The following CHL1 variants were observed in gnomAD, a reference collection of about 807,000 sequenced individuals.
CHL1 encodes the protein neural cell adhesion molecule L1-like protein.
In CHL1, 96 loss-of-function variants were observed where a neutral mutation model predicts 141.9. The observed-to-expected ratio is 0.68, with a 90% CI of 0.57 to 0.80. The LOEUF (loss-of-function observed/expected upper bound fraction) is 0.80. Among genes scored for constraint, CHL1 ranks in the 30% least tolerant of loss-of-function variants. The pLI is 0.00. For synonymous variants in CHL1, 613 were observed against 502.2 expected (o/e 1.22, Z -2.95); for missense variants, 1,820 against 1,457.2 (o/e 1.25, Z -4.05).
At chr3:253,752 T>A (rs751646771) in intron 2 of CHL1, among the ~76,000 whole-genome samples, 3 of 152,184 alleles carry the variant, frequency 2.0e-5, no homozygotes, top group Non-Finnish European at 2.9e-5. Context: ...TCTTCAGCTG[T>A]TGGAAAACCT....
At chr3:392,985 G>A (rs1016641445) in intron 23 of CHL1, among the ~76,000 whole-genome samples, 20 of 151,752 alleles carry the variant, frequency 1.3e-4, no homozygotes, top group Admixed American at 5.3e-4. Flanking sequence ...TAAAATAAGT[G>A]TTAAGTGGGA....
intron 23 of CHL1, 98 bp from the exon 24 acceptor site, chr3:394,595 C>T: frequency 1.2e-6 from 1 of 840,610 alleles, no homozygotes; most frequent in South Asian, 1.7e-5. Flanking sequence ...ATTAATGTAT[C>T]TTTACGTACC....
chr3:340,880 G>A lies in CHL1; in HGVS notation c.472G>A (p.Gly158Ser), dbSNP rs1702296725. 1 of 1,612,976 alleles carries A rather than the reference G, an allele frequency of 6.2e-7. No homozygotes were observed. The highest frequency in any genetic ancestry group is 8.5e-7 in the Non-Finnish European group (1 of 1,179,196). Reference protein sequence around the residue: ...PIVLPCNPPKGLPPLHIYWMN... With the variant: ...PIVLPCNPPKSLPPLHIYWMN... ...TGTCCTCCCATGCAATCCTCCCAAAGGCCTCCCACCTTTACACATTTATTG... is the reference window on the plus strand; with the variant it reads ...TGTCCTCCCATGCAATCCTCCCAAAAGCCTCCCACCTTTACACATTTATTG... The change falls in exon 6 of 28, where the codon GGC (glycine) becomes AGC (serine). Residue 158 changes from glycine to serine, a missense_variant. Coordinates refer to ENST00000256509, the MANE Select transcript of CHL1 (RefSeq NM_006614.4).
At chr3:331,301 TG>T (rs1287508197) in intron 5 of CHL1, among the ~76,000 whole-genome samples, 3 of 152,294 alleles carry the variant, frequency 2.0e-5, no homozygotes, top group Admixed American at 1.3e-4. Context: ...CATGGCTTCA[TG>T]GCTCACTGCA....
At chr3:197,095 C>G (rs1429047163) in intron 1 of CHL1, 32 bp downstream of exon 1, 4 of 152,028 alleles carry the variant, frequency 2.6e-5, no homozygotes, top group Non-Finnish European at 5.9e-5. Context: ...GCTGGCATCT[C>G]TCGTGCCGGC....
intron 27 of CHL1, among the ~76,000 whole-genome samples, chr3:402,102 T>C (rs1709191885): frequency 6.6e-6 from 1 of 152,208 alleles, no homozygotes; most frequent in South Asian, 2.1e-4. Context: ...CCCTGTCCTC[T>C]AGATGAACCT....
At chr3:366,858 C>G (rs925537917) in intron 15 of CHL1, among the ~76,000 whole-genome samples, 3 of 152,212 alleles carry the variant, frequency 2.0e-5, no homozygotes, top group African/African-American at 7.2e-5. Context: ...ACTGCCACCT[C>G]TCATGTCTGC....
chr3:293,309 C>G (rs1027615700), intron 2 of CHL1, among the ~76,000 whole-genome samples: 1 of 152,082 alleles, frequency 6.6e-6, no homozygotes, highest in South Asian at 2.1e-4. Context: ...TGAGACCAGC[C>G]TTGCCAACAT....
intron 15 of CHL1, among the ~76,000 whole-genome samples, chr3:375,633 A>C (rs888059213): frequency 2.6e-5 from 4 of 152,066 alleles, no homozygotes; most frequent in African/African-American, 9.7e-5. Flanking sequence ...TAAGCCAAAA[A>C]TGAATGAAAT....
chr3:248,768 A>G (rs1693417094), intron 2 of CHL1, among the ~76,000 whole-genome samples: 2 of 152,156 alleles, frequency 1.3e-5, no homozygotes. Context: ...CAGAGAAAAG[A>G]CTGACTATAA....
Position 382,482 on chromosome 3 carries a change from G to T in CHL1, c.1987G>T (p.Val663Phe), listed in dbSNP as rs1707169572. The change falls in exon 18 of 28, where the codon GTT becomes TTT. Residue 663 changes from valine to phenylalanine, a missense_variant. Val to Phe is a conservative substitution (Grantham distance 50, BLOSUM62 -1). Transcript: ENST00000256509. Reference protein sequence around the residue: ...DHNSNISEYIVEFEGNKEEPG... With the variant: ...DHNSNISEYIFEFEGNKEEPG... ...CCTGTTTATACTACCAGAGTATATT[G>T]TTGAATTTGAAGGAAACAAAGAAGA... 1 of 1,613,158 alleles carries T rather than the reference G, an allele frequency of 6.2e-7. No individual in the cohort carries two copies. Among genetic ancestry groups the T allele is most frequent in the African/African-American group, 1.3e-5 (1 of 74,836 alleles).
chr3:341,883 C>T, intron 6 of CHL1, 29 bp from the exon 7 acceptor site: 2 of 1,529,826 alleles, frequency 1.3e-6, no homozygotes, highest in Non-Finnish European at 1.8e-6. Context: ...GACAATTGCC[C>T]TTTTCAATGG....
At chr3:396,552 G>A (rs1466278144) in intron 24 of CHL1, among the ~76,000 whole-genome samples, 3 of 152,080 alleles carry the variant, frequency 2.0e-5, no homozygotes, top group African/African-American at 7.2e-5. Flanking sequence ...TGTTTTTGGA[G>A]GATGAAAGTG....
chr3:239,652 T>G (rs368738), intron 1 of CHL1, among the ~76,000 whole-genome samples: 79 of 151,840 alleles, frequency 5.2e-4, no homozygotes, highest in African/African-American at 1.9e-3. Context: ...GGGTGGTATT[T>G]GGTTGCGTAA....
chr3:219,996 A>G (rs2124969244), intron 1 of CHL1, among the ~76,000 whole-genome samples: 1 of 152,350 alleles, frequency 6.6e-6, no homozygotes, highest in African/African-American at 2.4e-5. Context: ...TAGTATCTAA[A>G]AGGGATGGAC....
At chr3:311,659 T>A (rs1699763833) in intron 2 of CHL1, among the ~76,000 whole-genome samples, 1 of 152,180 alleles carries the variant, frequency 6.6e-6, no homozygotes, top group South Asian at 2.1e-4. Context: ...GCTGGCCATG[T>A]GGGATGCTCC....
intron 2 of CHL1, among the ~76,000 whole-genome samples, chr3:270,460 G>T (rs1210292072): frequency 6.6e-6 from 1 of 152,118 alleles, no homozygotes; most frequent in African/African-American, 2.4e-5. Context: ...TTACCACCTG[G>T]ACCTGGAAGC....
intron 2 of CHL1, among the ~76,000 whole-genome samples, chr3:281,839 C>T (rs759118914): frequency 9.2e-5 from 14 of 152,116 alleles, no homozygotes; most frequent in East Asian, 7.7e-4. Flanking sequence ...GGATTACAGG[C>T]GTGAGCCACC....
Position 328,260 on chromosome 3 carries a change from G to A in CHL1, c.291G>A (p.Glu97=). 1 of 1,612,790 alleles carries A rather than the reference G, an allele frequency of 6.2e-7. No homozygotes were observed. Among genetic ancestry groups the A allele is most frequent in the Non-Finnish European group, 8.5e-7 (1 of 1,179,162 alleles). ...NNSGTFRIPN[E]GHISHFQGKY... ...CAGGAACATTCAGGATCCCAAACGA[G>A]GGGCACATATCTCACTTTCAAGGGA... The change falls in exon 5 of 28, where the codon GAG becomes GAA. Residue 97 remains glutamate, a synonymous_variant. Transcript: ENST00000256509.
Sources: gnomAD v4.1 joint callset for allele counts (sites outside exome capture counted in the v4.1 genomes callset) on GRCh38, gnomAD v4.1.1 for gene constraint, MANE v1.5 for transcripts, NCBI Gene and HGNC (gene_info 2026-07-23, HGNC 2026-07-21) for gene names.